The following TMEM131L variants were observed in gnomAD, a reference collection of about 807,000 sequenced individuals.
The protein encoded by TMEM131L is transmembrane protein 131-like.
Under a neutral mutation model 192.2 loss-of-function variants are expected in TMEM131L, and 54 were observed. The observed-to-expected ratio is 0.28, with a 90% CI of 0.23 to 0.35. The LOEUF (loss-of-function observed/expected upper bound fraction) is 0.35. TMEM131L is among the 10% of genes least tolerant of loss of function. The pLI is 1.00. For synonymous variants in TMEM131L, 701 were observed against 704.9 expected, an observed-to-expected ratio of 0.99 and a Z score of 0.09; for missense variants, 1,888 against 1,972.9, an observed-to-expected ratio of 0.96 and a Z score of 0.82.
At chr4:153,519,299 G>A (rs1224314924) in intron 3 of TMEM131L, among the ~76,000 whole-genome samples, 2 of 152,194 alleles carry the variant, frequency 1.3e-5, no homozygotes, top group African/African-American at 4.8e-5. Flanking sequence ...TTGGGGCCAA[G>A]CTTTTCATGG....
chr4:153,526,110 G>T (rs1735460317), intron 3 of TMEM131L, among the ~76,000 whole-genome samples: 1 of 152,002 alleles, frequency 6.6e-6, no homozygotes, highest in African/African-American at 2.4e-5. Context: ...GCCCACCTCG[G>T]TCTCCCAAAG....
Position 153,583,218 on chromosome 4 carries a change from A to G in TMEM131L, c.921A>G (p.Leu307=). The G allele has an allele frequency of 6.8e-7, 1 of 1,466,094 alleles. No individual in the cohort carries two copies. Among genetic ancestry groups the G allele is most frequent in the South Asian group, 1.1e-5 (1 of 87,908 alleles). The allele number at this position is 1,466,094 out of a possible 1,614,324, so 90.8% of individuals were successfully genotyped here. A position where few individuals can be genotyped will look rare whatever the true frequency, so the allele number is the denominator to read the frequency against. ...ATTCAGCAGTAAATATGTATATATTACATTCAGGAAACAGCCTTATATGGA... is the reference window on the plus strand; with the variant it reads ...ATTCAGCAGTAAATATGTATATATTGCATTCAGGAAACAGCCTTATATGGA... ...SDDSAVNMYI[L]HSGNSLIWIQ... The change falls in exon 10 of 35, where the codon TTA becomes TTG. Residue 307 remains leucine, a synonymous_variant. Coordinates refer to ENST00000409959, the MANE Select transcript of TMEM131L (RefSeq NM_001131007.2).
chr4:153,516,768 C>T lies in TMEM131L; in HGVS notation c.240-33305C>T, dbSNP rs542108636. Reference sequence around the variant, plus strand: ...ATGTCTTGAGATTGTCAGTTTCTTACGAGCCTCCCAGCACTAGGTACCAGT... The same window carrying T: ...ATGTCTTGAGATTGTCAGTTTCTTATGAGCCTCCCAGCACTAGGTACCAGT... On this transcript the variant is annotated intron_variant, in intron 3 of 34. Coordinates refer to ENST00000409959, the MANE Select transcript of TMEM131L (RefSeq NM_001131007.2). Among the ~76,000 whole-genome samples the T allele has an allele frequency of 5.9e-5, 9 of 152,220 alleles. No individual in the cohort carries two copies. In the East Asian group the frequency reaches 1.4e-3, roughly 23 times the overall value.
At chr4:153,569,334 G>A (rs1480826167) in intron 7 of TMEM131L, among the ~76,000 whole-genome samples, 3 of 152,078 alleles carry the variant, frequency 2.0e-5, no homozygotes, top group Non-Finnish European at 4.4e-5. Context: ...GACCCTCCTC[G>A]GACTGCTGGG....
At position 153,602,664 on chromosome 4, in the gene TMEM131L, C is replaced by CAGA. The variant is rs768797231; in HGVS notation, c.2577_2579dup (p.Ala859_Asp860insGlu). 2 of 1,614,134 alleles carry CAGA rather than the reference C, an allele frequency of 1.2e-6. No individual in the cohort carries two copies. The highest frequency in any genetic ancestry group is 2.7e-5 in the African/African-American group (2 of 75,034). ...CCTCATCACCTGTTGCCCTTGTGTGCAGACGTGGTTCCAGGACCCAGCTGG... is the reference window on the plus strand; with the variant it reads ...CCTCATCACCTGTTGCCCTTGTGTGCAGAAGACGTGGTTCCAGGACCCAGCTGG... On this transcript the variant is annotated inframe_insertion, in exon 23 of 35. Coordinates refer to ENST00000409959, the MANE Select transcript of TMEM131L (RefSeq NM_001131007.2).
chr4:153,510,836 A>G (rs1307231028), intron 3 of TMEM131L, among the ~76,000 whole-genome samples: 1 of 152,026 alleles, frequency 6.6e-6, no homozygotes, highest in Non-Finnish European at 1.5e-5. Context: ...GCAGTGAGCC[A>G]TGATCATGCC....
rs1431660718 is a variant in TMEM131L, at chr4:153,584,768, T to C, written c.1061-67T>C. The C allele has an allele frequency of 3.8e-6, 4 of 1,050,132 alleles. No individual in the cohort carries two copies. The Admixed American group carries it at 8.2e-5, about 22-fold the overall frequency. 65.1% of individuals were successfully genotyped at this position (1,050,132 alleles called of 1,614,324 possible). A position where few individuals can be genotyped will look rare whatever the true frequency, so the allele number is the denominator to read the frequency against. Reference sequence around the variant, plus strand: ...TAAAAATTTATAAATAAGACATATATCTTTTGTTCAGGCTTAATGAAAGAA... The same window carrying C: ...TAAAAATTTATAAATAAGACATATACCTTTTGTTCAGGCTTAATGAAAGAA... On this transcript the variant is annotated intron_variant, in intron 11 of 34. Coordinates refer to ENST00000409959, the MANE Select transcript of TMEM131L (RefSeq NM_001131007.2).
At chr4:153,608,087 C>T (rs886637082) in intron 25 of TMEM131L, among the ~76,000 whole-genome samples, 1 of 151,938 alleles carries the variant, frequency 6.6e-6, no homozygotes, top group African/African-American at 2.4e-5. Context: ...TGCCACCGCA[C>T]TCCAGCCTGG....
At chr4:153,628,863 T>G (rs1328677824) in intron 31 of TMEM131L, among the ~76,000 whole-genome samples, 2 of 152,192 alleles carry the variant, frequency 1.3e-5, no homozygotes, top group Non-Finnish European at 2.9e-5. Flanking sequence ...CAGGTTTGTG[T>G]GTGTACTTCA....
chr4:153,568,854 C>G (rs573529598), intron 7 of TMEM131L, among the ~76,000 whole-genome samples: 2 of 152,150 alleles, frequency 1.3e-5, no homozygotes, highest in Admixed American at 6.5e-5. Context: ...GAACTAAAAC[C>G]GGCTTTGTAT....
At position 153,602,253 on chromosome 4, in the gene TMEM131L, T is replaced by C. The variant is rs3827497; in HGVS notation, c.2368T>C (p.Tyr790His). 7.8e-4 allele frequency: 1,258 copies of C among 1,613,804 alleles called. 32 individuals carry two copies. The East Asian group carries it at 0.025, about 33-fold the overall frequency. The part of the protein sequence containing the change: ...ITVSSLKING[Y>H]NCQGYGFEVL... ...TGTTTCGTCTCTGAAAATTAATGGG[T>C]ATAACTGCCAAGGTTATGGATTCGA... Residue 790 changes from tyrosine to histidine, a missense_variant, in exon 22 of 35, where the codon TAT (tyrosine) becomes CAT (histidine). By Grantham distance (83) the Tyr-to-His change is moderately conservative. Coordinates refer to ENST00000409959, the MANE Select transcript of TMEM131L (RefSeq NM_001131007.2).
At chr4:153,473,817 A>G (rs1220693382) in intron 2 of TMEM131L, 28 bp from the exon 3 acceptor site, 3 of 1,530,116 alleles carry the variant, frequency 2.0e-6, no homozygotes, top group South Asian at 1.2e-5. Context: ...AACAGAAACA[A>G]CGGTTAACAC....
chr4:153,587,858 A>G (rs1209970899), intron 15 of TMEM131L, 47 bp downstream of exon 15: 2 of 1,333,128 alleles, frequency 1.5e-6, no homozygotes, highest in Non-Finnish European at 2.2e-6. Context: ...AGTTTGGGGG[A>G]TGGGAAATAG....
chr4:153,564,731 G>A (rs1172940255), intron 7 of TMEM131L, among the ~76,000 whole-genome samples: 1 of 152,086 alleles, frequency 6.6e-6, no homozygotes, highest in African/African-American at 2.4e-5. Flanking sequence ...TTCTGCTCCA[G>A]TTCACATGTC....
intron 7 of TMEM131L, among the ~76,000 whole-genome samples, chr4:153,576,675 TAA>T (rs11313932): frequency 0.026 from 3,719 of 141,190 alleles, 108 homozygotes; most frequent in Middle Eastern, 0.089. Flanking sequence ...GTAGATTTCT[TAA>T]AAAAAAAAAA....
At chr4:153,574,375 T>C (rs1049066078) in intron 7 of TMEM131L, among the ~76,000 whole-genome samples, 2 of 152,214 alleles carry the variant, frequency 1.3e-5, no homozygotes, top group Non-Finnish European at 2.9e-5. Flanking sequence ...AAAATAGCTG[T>C]ACAGTACTTA....
At chr4:153,475,961 A>G (rs1183085987) in intron 3 of TMEM131L, among the ~76,000 whole-genome samples, 9 of 152,140 alleles carry the variant, frequency 5.9e-5, no homozygotes, top group Non-Finnish European at 1.3e-4. Flanking sequence ...TGTATTGATA[A>G]CTTTTTTTGT....
At chr4:153,506,300 A>G (rs1423850171) in intron 3 of TMEM131L, among the ~76,000 whole-genome samples, 2 of 152,222 alleles carry the variant, frequency 1.3e-5, no homozygotes, top group East Asian at 1.9e-4. Flanking sequence ...CGGGGACAAA[A>G]TAATTTGACT....
At chr4:153,523,120 G>T (rs1735232788) in intron 3 of TMEM131L, among the ~76,000 whole-genome samples, 1 of 152,168 alleles carries the variant, frequency 6.6e-6, no homozygotes, top group Non-Finnish European at 1.5e-5. Context: ...AAGGCCATAG[G>T]ATTACCTGTA....
Sources: allele counts gnomAD v4.1 joint callset (sites outside exome capture counted in the v4.1 genomes callset), GRCh38; gene constraint gnomAD v4.1.1; transcripts MANE v1.5; gene names NCBI Gene and HGNC (gene_info 2026-07-23, HGNC 2026-07-21).